CADPS2: variants seen among roughly 807,000 people sequenced by gnomAD.
CADPS2 encodes the protein calcium-dependent secretion activator 2.
A neutral mutation model predicts 172.5 loss-of-function variants in CADPS2; 93 were observed. The ratio of observed to expected loss-of-function variants is 0.54; its 90% CI spans 0.46 to 0.64. The LOEUF is 0.64. Among genes scored for constraint, CADPS2 ranks in the 30% least tolerant of loss-of-function variants. CADPS2 has a pLI of 0.00. For missense variants in CADPS2, 1,420 were observed against 1,565.9 expected (o/e 0.91, Z 1.57); for synonymous variants, 546 against 555.2 (o/e 0.98, Z 0.23).
intron 6 of CADPS2, among the ~76,000 whole-genome samples, chr7:122,586,038 T>C (rs1205637481): frequency 2.6e-5 from 4 of 151,892 alleles, no homozygotes; most frequent in Non-Finnish European, 5.9e-5. Flanking sequence ...ATATAAAATA[T>C]TAGGGGAATG....
intron 8 of CADPS2, among the ~76,000 whole-genome samples, chr7:122,540,503 A>G (rs558477330): frequency 6.6e-6 from 1 of 152,276 alleles, no homozygotes; most frequent in South Asian, 2.1e-4. Context: ...AACTAAATTT[A>G]TATCTCGGCT....
At chr7:122,414,786 A>T (rs2047694925) in intron 18 of CADPS2, among the ~76,000 whole-genome samples, 1 of 152,208 alleles carries the variant, frequency 6.6e-6, no homozygotes. Context: ...ACTCTTTTCT[A>T]TGAATTGGCT....
intron 1 of CADPS2, among the ~76,000 whole-genome samples, chr7:122,755,101 A>G (rs1336330521): frequency 6.6e-6 from 1 of 152,188 alleles, no homozygotes; most frequent in Non-Finnish European, 1.5e-5. Context: ...ATAGTAACAA[A>G]TAAAAACATT....
chr7:122,623,835 G>A (rs993458483), intron 4 of CADPS2, among the ~76,000 whole-genome samples: 5 of 152,116 alleles, frequency 3.3e-5, no homozygotes, highest in South Asian at 2.1e-4. Flanking sequence ...AGCATGTCAC[G>A]TATCTGAAAG....
rs530948947 is a variant in CADPS2 at position 122,582,135 on chromosome 7, A to T, written c.1224-845T>A. Reference sequence around the variant, plus strand: ...GCAAAATACCAGAGAAAAAAATGAGATTTAACAAAATACAGATCATGTTAA... The same window carrying T: ...GCAAAATACCAGAGAAAAAAATGAGTTTTAACAAAATACAGATCATGTTAA... On this transcript the variant is annotated intron_variant, in intron 6 of 29. Transcript: ENST00000449022. 2.6e-5 allele frequency among the ~76,000 whole-genome samples: 4 copies of T among 152,282 alleles called. No homozygotes were observed. In the South Asian group the frequency reaches 8.3e-4, roughly 32 times the overall value.
chr7:122,870,355 CAAAG>C (rs962690616), intron 1 of CADPS2, among the ~76,000 whole-genome samples: 2 of 151,522 alleles, frequency 1.3e-5, no homozygotes, highest in Non-Finnish European at 3.0e-5. Context: ...TAAAAAGAGA[CAAAG>C]AAGGTCATTA....
chr7:122,704,433 C>T (rs890049110), intron 2 of CADPS2, among the ~76,000 whole-genome samples: 2 of 151,580 alleles, frequency 1.3e-5, no homozygotes, highest in East Asian at 1.9e-4. Flanking sequence ...ATTAAGAAGA[C>T]GGTTTAACAT....
chr7:122,825,806 T>C (rs1446615292), intron 1 of CADPS2, among the ~76,000 whole-genome samples: 2 of 152,200 alleles, frequency 1.3e-5, no homozygotes, highest in South Asian at 2.1e-4. Context: ...AGTATAATAT[T>C]ACAACCAGTA....
chr7:122,856,048 T>TTC (rs1476961368), intron 1 of CADPS2, among the ~76,000 whole-genome samples: 1 of 152,202 alleles, frequency 6.6e-6, no homozygotes, highest in Admixed American at 6.5e-5. Flanking sequence ...TCCCCCTTCC[T>TTC]TCTGCCTGGA....
At chr7:122,699,844 G>C (rs1030359666) in intron 2 of CADPS2, among the ~76,000 whole-genome samples, 4 of 152,134 alleles carry the variant, frequency 2.6e-5, no homozygotes, top group African/African-American at 9.7e-5. Flanking sequence ...ATTAAATATA[G>C]TCATATTAGT....
chr7:122,691,891 C>A (rs989197473), intron 2 of CADPS2, among the ~76,000 whole-genome samples: 2 of 152,146 alleles, frequency 1.3e-5, no homozygotes, highest in African/African-American at 4.8e-5. Context: ...AGCCAAGTGG[C>A]GAACGCCAAG....
intron 1 of CADPS2, among the ~76,000 whole-genome samples, chr7:122,878,857 A>T (rs1360549896): frequency 6.6e-6 from 1 of 152,178 alleles, no homozygotes; most frequent in African/African-American, 2.4e-5. Context: ...TTAAATTCAC[A>T]TAATAGGGAC....
At chr7:122,560,501 A>G (rs1489962653) in intron 7 of CADPS2, among the ~76,000 whole-genome samples, 2 of 152,208 alleles carry the variant, frequency 1.3e-5, no homozygotes, top group African/African-American at 4.8e-5. Flanking sequence ...CTCAATGATC[A>G]GGTTTCTCAT....
intron 2 of CADPS2, among the ~76,000 whole-genome samples, chr7:122,682,258 A>T (rs181985456): frequency 9.8e-4 from 149 of 152,340 alleles, no homozygotes; most frequent in African/African-American, 3.4e-3. Context: ...CTTGTTGTTC[A>T]TCATGGAAAA....
chr7:122,607,244 G>T (rs1220688326), intron 6 of CADPS2, among the ~76,000 whole-genome samples: 1 of 152,100 alleles, frequency 6.6e-6, no homozygotes, highest in Non-Finnish European at 1.5e-5. Flanking sequence ...GGTTTAAACT[G>T]TTCTGAAAAA....
chr7:122,845,855 A>T (rs1366707928), intron 1 of CADPS2, among the ~76,000 whole-genome samples: 1 of 152,214 alleles, frequency 6.6e-6, no homozygotes, highest in Admixed American at 6.5e-5. Context: ...CTGAGATTCC[A>T]TCCAAAGGGG....
At chr7:122,331,278 T>C (rs1311380219) in intron 28 of CADPS2, 2 of 152,178 alleles carry the variant, frequency 1.3e-5, no homozygotes, top group African/African-American at 4.8e-5. Flanking sequence ...TTTTTATTAG[T>C]ATTATTTTTA....
At chr7:122,479,351 T>C (rs571748207) in intron 12 of CADPS2, among the ~76,000 whole-genome samples, 54 of 152,346 alleles carry the variant, frequency 3.5e-4, no homozygotes, top group African/African-American at 1.1e-3. Context: ...CCATACAGCT[T>C]GAAAATTTAT....
At chr7:122,836,187 T>A (rs1424424925) in intron 1 of CADPS2, among the ~76,000 whole-genome samples, 2 of 152,100 alleles carry the variant, frequency 1.3e-5, no homozygotes, top group Admixed American at 1.3e-4. Context: ...CTAAGCTTCA[T>A]AAGTGAAGGA....
Sources: allele counts gnomAD v4.1 joint callset (sites outside exome capture counted in the v4.1 genomes callset), GRCh38; gene constraint gnomAD v4.1.1; transcripts MANE v1.5; gene names NCBI Gene and HGNC (gene_info 2026-07-23, HGNC 2026-07-21).